The following SH3RF3 variants were observed in gnomAD, a reference collection of about 807,000 sequenced individuals.
SH3RF3 encodes SH3 domain containing ring finger 3.
Under a neutral mutation model 66.3 loss-of-function variants are expected in SH3RF3, and 29 were observed. The observed-to-expected ratio is 0.44, with a 90% CI of 0.33 to 0.60. SH3RF3 has a LOEUF of 0.60. SH3RF3 is among the 20% of genes least tolerant of loss of function. The probability of loss-of-function intolerance (pLI) is 0.04; values close to 1 mark genes in which losing one functional copy is unlikely to be tolerated. For synonymous variants in SH3RF3, 583 were observed against 532.0 expected (o/e 1.10, Z -1.32); for missense variants, 1,194 against 1,190.9 (o/e 1.00, Z -0.04).
intron 1 of SH3RF3, among the ~76,000 whole-genome samples, chr2:109,138,022 A>G (rs1401223887): frequency 6.6e-6 from 1 of 151,854 alleles, no homozygotes; most frequent in East Asian, 1.9e-4. Flanking sequence ...GCAGATCAAA[A>G]TTTCTTTTTT....
chr2:109,466,067 T>A (rs1678335909), intron 8 of SH3RF3, among the ~76,000 whole-genome samples: 1 of 141,120 alleles, frequency 7.1e-6, no homozygotes, highest in South Asian at 2.3e-4. Context: ...CTGCTACCTG[T>A]ACATCTTTTT....
rs1405340588 is a variant in SH3RF3, at chr2:109,279,448, C to T, written c.574-68226C>T. 2.0e-5 allele frequency among the ~76,000 whole-genome samples: 3 copies of T among 152,180 alleles called. No homozygotes were observed. In the South Asian group the frequency reaches 6.2e-4, roughly 32 times the overall value. On this transcript the variant is annotated intron_variant, in intron 1 of 9. Coordinates refer to ENST00000309415, the MANE Select transcript of SH3RF3 (RefSeq NM_001099289.3). ...CTCCTCCTGTCTACTGGGTCTTCCT[C>T]CACCTCACTTTAATGCTGCTATGCT...
At chr2:109,381,300 A>G (rs1675660618) in intron 3 of SH3RF3, among the ~76,000 whole-genome samples, 1 of 152,200 alleles carries the variant, frequency 6.6e-6, no homozygotes, top group Non-Finnish European at 1.5e-5. Context: ...CTTCTCCCCT[A>G]GGCTCCAGCT....
chr2:109,162,886 A>AAT (rs373653671), intron 1 of SH3RF3, among the ~76,000 whole-genome samples: 5 of 150,500 alleles, frequency 3.3e-5, no homozygotes, highest in African/African-American at 1.2e-4. Context: ...TACCAAAAAA[A>AAT]CCACCTCTTG....
At chr2:109,309,831 A>T (rs1681684808) in intron 1 of SH3RF3, among the ~76,000 whole-genome samples, 1 of 113,794 alleles carries the variant, frequency 8.8e-6, no homozygotes, top group Non-Finnish European at 1.7e-5. Flanking sequence ...GAGCACCCAG[A>T]TTCATAAAGC....
intron 1 of SH3RF3, among the ~76,000 whole-genome samples, chr2:109,193,961 A>G (rs180744993): frequency 1.6e-4 from 24 of 152,326 alleles, no homozygotes; most frequent in Admixed American, 1.4e-3. Flanking sequence ...TCCAGCTGCC[A>G]TGCTCCTTCT....
intron 8 of SH3RF3, among the ~76,000 whole-genome samples, chr2:109,454,549 A>G (rs773076708): frequency 2.6e-5 from 4 of 152,148 alleles, no homozygotes; most frequent in Non-Finnish European, 4.4e-5. Flanking sequence ...ACTTCTGTGG[A>G]GCCCTCTCCT....
intron 1 of SH3RF3, among the ~76,000 whole-genome samples, chr2:109,146,901 C>G (rs1026143742): frequency 2.8e-5 from 3 of 107,584 alleles, no homozygotes; most frequent in Non-Finnish European, 3.7e-5. Flanking sequence ...CCCCCCCCCC[C>G]GCCCCAATAT....
At chr2:109,135,039 T>A (rs563864927) in intron 1 of SH3RF3, among the ~76,000 whole-genome samples, 1 of 152,358 alleles carries the variant, frequency 6.6e-6, no homozygotes, top group Non-Finnish European at 1.5e-5. Flanking sequence ...GCTCTGCTCC[T>A]CTGTTGGCTT....
At chr2:109,472,541 C>G (rs771682796) in intron 8 of SH3RF3, among the ~76,000 whole-genome samples, 1 of 152,174 alleles carries the variant, frequency 6.6e-6, no homozygotes, top group Non-Finnish European at 1.5e-5. Flanking sequence ...TCAGAAACCC[C>G]GATCCAATTG....
At chr2:109,134,942 T>A (rs1464828771) in intron 1 of SH3RF3, among the ~76,000 whole-genome samples, 1 of 152,216 alleles carries the variant, frequency 6.6e-6, no homozygotes, top group South Asian at 2.1e-4. Context: ...GTAAGTGACA[T>A]GAACAGGACA....
chr2:109,395,778 G>A (rs987448010), intron 3 of SH3RF3, among the ~76,000 whole-genome samples: 15 of 152,156 alleles, frequency 9.9e-5, no homozygotes, highest in African/African-American at 3.6e-4. Context: ...TGTGTCTCCT[G>A]ATGAGAATAG....
intron 1 of SH3RF3, among the ~76,000 whole-genome samples, chr2:109,132,740 A>G (rs564016606): frequency 4.8e-4 from 73 of 152,344 alleles, no homozygotes; most frequent in African/African-American, 1.4e-3. Flanking sequence ...AATGTATGCT[A>G]AATTTCTCAG....
At chr2:109,339,163 G>A (rs1682497294) in intron 1 of SH3RF3, among the ~76,000 whole-genome samples, 2 of 151,928 alleles carry the variant, frequency 1.3e-5, no homozygotes, top group African/African-American at 4.8e-5. Context: ...GGTAGAGGAG[G>A]TGGACGGGTA....
chr2:109,401,012 G>A (rs796193814), intron 4 of SH3RF3, among the ~76,000 whole-genome samples: 8 of 152,364 alleles, frequency 5.3e-5, no homozygotes, highest in African/African-American at 1.9e-4. Context: ...TGGTGACCCA[G>A]TGGCGGACCA....
At chr2:109,314,169 C>T (rs568672504) in intron 1 of SH3RF3, among the ~76,000 whole-genome samples, 1 of 152,102 alleles carries the variant, frequency 6.6e-6, no homozygotes, top group Admixed American at 6.5e-5. Context: ...GGTCTGTGTC[C>T]CGGGAGACCA....
intron 1 of SH3RF3, among the ~76,000 whole-genome samples, chr2:109,271,038 G>A (rs1321332705): frequency 6.6e-6 from 1 of 152,198 alleles, no homozygotes; most frequent in Non-Finnish European, 1.5e-5. Context: ...GCCTGGTGAT[G>A]TCCTGAGTAT....
chr2:109,358,071 CT>C (rs1682986519), intron 2 of SH3RF3, among the ~76,000 whole-genome samples: 1 of 152,224 alleles, frequency 6.6e-6, no homozygotes, highest in South Asian at 2.1e-4. Context: ...TCCACCACCC[CT>C]GGCAACCACT....
At chr2:109,245,271 T>TA (rs1679888241) in intron 1 of SH3RF3, among the ~76,000 whole-genome samples, 1 of 151,576 alleles carries the variant, frequency 6.6e-6, no homozygotes, top group South Asian at 2.1e-4. Context: ...GAGACAGGAG[T>TA]AGAGCTGTCT....
Sources: gnomAD v4.1 joint callset for allele counts (sites outside exome capture counted in the v4.1 genomes callset) on GRCh38, gnomAD v4.1.1 for gene constraint, MANE v1.5 for transcripts, NCBI Gene and HGNC (gene_info 2026-07-23, HGNC 2026-07-21) for gene names.